Variants in SLC36A1 observed in about 807,000 individuals in gnomAD.
SLC36A1 encodes the protein proton-coupled amino acid transporter 1.
In SLC36A1, 30 loss-of-function variants were observed where a neutral mutation model predicts 47.5. That is an observed-to-expected ratio of 0.63 (90% CI 0.47 to 0.86). SLC36A1 has a LOEUF of 0.86. SLC36A1 is among the 40% of genes least tolerant of loss of function. The pLI is 0.00. For synonymous variants in SLC36A1, 255 were observed against 249.7 expected, an observed-to-expected ratio of 1.02 and a Z score of -0.20; for missense variants, 517 against 606.0, an observed-to-expected ratio of 0.85 and a Z score of 1.54.
rs576833468 is a variant in SLC36A1 at position 151,484,187 on chromosome 5, G to A, written c.1160-3796G>A. ...AGTGCCCATATGTCCTGCTAGGTCAGTATGGGAGAGGGTGGGGAGATGACA... is the reference window on the plus strand; with the variant it reads ...AGTGCCCATATGTCCTGCTAGGTCAATATGGGAGAGGGTGGGGAGATGACA... On this transcript the variant is annotated intron_variant, in intron 10 of 10. Coordinates refer to ENST00000243389, the MANE Select transcript of SLC36A1 (RefSeq NM_078483.4). Among the ~76,000 whole-genome samples, 47 of 152,270 alleles carry A rather than the reference G, an allele frequency of 3.1e-4. No homozygotes were observed. The South Asian group carries it at 8.3e-3, about 27-fold the overall frequency.
the SLC36A1 span, among the ~76,000 whole-genome samples, chr5:151,396,863 C>T: frequency 2.4e-3 from 369 of 152,278 alleles, 2 homozygotes; most frequent in African/African-American, 8.6e-3. Context: ...AGCAATATTC[C>T]CAAGTTCTTG....
chr5:151,460,561 T>C (rs1349877169), intron 2 of SLC36A1, among the ~76,000 whole-genome samples: 1 of 152,096 alleles, frequency 6.6e-6, no homozygotes, highest in Non-Finnish European at 1.5e-5. Context: ...GAAGCCTATC[T>C]GTAGTTGATG....
At chr5:151,399,117 T>TA in the SLC36A1 span, among the ~76,000 whole-genome samples, 1 of 139,670 alleles carries the variant, frequency 7.2e-6, no homozygotes, top group Non-Finnish European at 1.5e-5. Context: ...GACAGAGTCT[T>TA]ACTCTATCAC....
the SLC36A1 span, among the ~76,000 whole-genome samples, chr5:151,526,293 A>G: frequency 1.3e-5 from 2 of 152,226 alleles, no homozygotes; most frequent in Non-Finnish European, 1.5e-5. Context: ...TGAATCATGT[A>G]TTTAAATTAG....
At chr5:151,492,947 G>A (rs906678485), downstream of SLC36A1, among the ~76,000 whole-genome samples, 1 of 152,092 alleles carries the variant, frequency 6.6e-6, no homozygotes, top group Admixed American at 6.5e-5. Flanking sequence ...GACTCATACG[G>A]TCATGGGAGC....
intron 7 of SLC36A1, 106 bp from the exon 8 acceptor site, chr5:151,473,567 T>C (rs1757619286): frequency 5.7e-6 from 4 of 703,144 alleles, no homozygotes; most frequent in Non-Finnish European, 7.5e-6. Flanking sequence ...CTTTAGAGAA[T>C]CTTGGATTTG....
chr5:151,399,566 G>A, the SLC36A1 span, among the ~76,000 whole-genome samples: 2 of 152,142 alleles, frequency 1.3e-5, no homozygotes, highest in African/African-American at 4.8e-5. Context: ...CTGACTTTTA[G>A]TAATTTTTCT....
the SLC36A1 span, chr5:151,522,131 G>C: frequency 6.9e-6 from 10 of 1,454,356 alleles, no homozygotes; most frequent in South Asian, 4.0e-5. Flanking sequence ...GAACTGCAGT[G>C]CTCTTGCGCC....
chr5:151,387,861 C>T, the SLC36A1 span, among the ~76,000 whole-genome samples: 45,207 of 152,082 alleles, frequency 0.3, 8,183 homozygotes, highest in African/African-American at 0.5. Context: ...ACCTGGGAAG[C>T]CATGCCCTAC....
rs377676191 is a variant in SLC36A1, at chr5:151,488,149, C to T, written c.1326C>T (p.Ile442=). ...LTIFKDALIS[I]LGFVGFVVGT... The stretch of plus-strand genomic sequence containing the variant: ...TCTTTAAGGACGCCCTGATCAGCAT[C>T]CTGGGCTTCGTGGGCTTTGTGGTGG... Residue 442 remains isoleucine, a synonymous_variant, in exon 11 of 11, where the codon ATC becomes ATT. Coordinates refer to ENST00000243389, the MANE Select transcript of SLC36A1 (RefSeq NM_078483.4). 22 of 1,614,080 alleles carry T rather than the reference C, an allele frequency of 1.4e-5. No homozygotes were observed. Among genetic ancestry groups the T allele is most frequent in the Non-Finnish European group, 1.9e-5 (22 of 1,180,044 alleles).
At chr5:151,433,249 T>TATATATATATATATAC (rs1561704907), upstream of SLC36A1, among the ~76,000 whole-genome samples, 4 of 15,894 alleles carry the variant, frequency 2.5e-4, no homozygotes, top group African/African-American at 1.0e-3. Context: ...TATATATATA[T>TATATATATATATATAC]ATATATATAT....
chr5:151,546,479 G>C, the SLC36A1 span: 2 of 600,148 alleles, frequency 3.3e-6, no homozygotes, highest in Non-Finnish European at 5.9e-6. Context: ...TGGATATAGT[G>C]TATAGAGTAG....
chr5:151,552,902 G>T, the SLC36A1 span, among the ~76,000 whole-genome samples: 1 of 152,196 alleles, frequency 6.6e-6, no homozygotes, highest in East Asian at 1.9e-4. Context: ...AACCATTTTA[G>T]GTCTCCTAGG....
the SLC36A1 span, among the ~76,000 whole-genome samples, chr5:151,431,643 G>A: frequency 6.6e-6 from 1 of 152,118 alleles, no homozygotes; most frequent in South Asian, 2.1e-4. Context: ...CATGAGATTG[G>A]ATAGTTTTAA....
At chr5:151,549,453 T>A in the SLC36A1 span, 1 of 1,614,160 alleles carries the variant, frequency 6.2e-7, no homozygotes, top group East Asian at 2.2e-5. Context: ...ATCCTCCACA[T>A]GAATGGTCAC....
At chr5:151,508,574 A>T in the SLC36A1 span, among the ~76,000 whole-genome samples, 2 of 152,062 alleles carry the variant, frequency 1.3e-5, no homozygotes, top group African/African-American at 2.4e-5. Flanking sequence ...GCCAGGTGTT[A>T]TGGCACATGC....
the SLC36A1 span, chr5:151,550,781 G>T: frequency 6.2e-7 from 1 of 1,614,066 alleles, no homozygotes; most frequent in Non-Finnish European, 8.5e-7. Context: ...TCTACCCCTG[G>T]CACGGTGTCC....
chr5:151,514,725 C>T, the SLC36A1 span, among the ~76,000 whole-genome samples: 2 of 152,176 alleles, frequency 1.3e-5, no homozygotes, highest in African/African-American at 2.4e-5. Context: ...GATCATCTCA[C>T]ATCCTACTGA....
At chr5:151,537,441 AGGGG>A in the SLC36A1 span, among the ~76,000 whole-genome samples, 195 of 22,228 alleles carry the variant, frequency 8.8e-3, no homozygotes, top group African/African-American at 0.08. Flanking sequence ...AGGAAAGGAG[AGGGG>A]AGGGGAGGGG....
Sources: allele counts gnomAD v4.1 joint callset (sites outside exome capture counted in the v4.1 genomes callset), GRCh38; gene constraint gnomAD v4.1.1; transcripts MANE v1.5; gene names NCBI Gene and HGNC (gene_info 2026-07-23, HGNC 2026-07-21).